SMKR1: variants seen among roughly 807,000 people sequenced by gnomAD.
SMKR1 encodes the protein small lysine rich protein 1.
SMKR1 carries 4 observed loss-of-function variants against 4.0 expected under a neutral mutation model. That is an observed-to-expected ratio of 1.00 (90% CI 0.49 to 2.30). SMKR1 has a LOEUF of 2.30. Ranked by LOEUF, SMKR1 falls within the 30% of genes most tolerant of loss-of-function variation. The pLI, the probability that SMKR1 is intolerant of heterozygous loss-of-function variation, is 0.02. For synonymous variants in SMKR1, 38 were observed against 32.5 expected, an observed-to-expected ratio of 1.17 and a Z score of -0.58; for missense variants, 56 against 81.8, an observed-to-expected ratio of 0.68 and a Z score of 1.22.
chr7:129,502,771 G>C lies in SMKR1; in HGVS notation c.-54G>C. The C allele has an allele frequency of 6.5e-7, 1 of 1,534,968 alleles. No individual in the cohort carries two copies. The highest frequency in any genetic ancestry group is 1.2e-5 in the South Asian group (1 of 84,060). ...GGGCAGCGGCCCCGGTGGATGCTAAGGGCTTCGGGATCGGGAGAGTCCACC... is the reference window on the plus strand; with the variant it reads ...GGGCAGCGGCCCCGGTGGATGCTAACGGCTTCGGGATCGGGAGAGTCCACC... On this transcript the variant is annotated 5_prime_UTR_variant, in exon 1 of 2. Transcript: ENST00000462322.
At chr7:129,504,803 G>A (rs1198442602) in intron 1 of SMKR1, among the ~76,000 whole-genome samples, 1 of 152,108 alleles carries the variant, frequency 6.6e-6, no homozygotes, top group Non-Finnish European at 1.5e-5. Context: ...CACCTGCCTC[G>A]GCCTCCCAGA....
At chr7:129,503,141 GC>G (rs1799428383) in intron 1 of SMKR1, among the ~76,000 whole-genome samples, 1 of 151,788 alleles carries the variant, frequency 6.6e-6, no homozygotes, top group South Asian at 2.1e-4. Flanking sequence ...GCCAGGCCAT[GC>G]CCACAGTGAC....
chr7:129,502,866 C>T (rs1799424968), intron 1 of SMKR1, 39 bp downstream of exon 1: 4 of 1,534,246 alleles, frequency 2.6e-6, no homozygotes, highest in Non-Finnish European at 3.5e-6. Flanking sequence ...GGCCAGGGCG[C>T]GCGCCGTGGA....
chr7:129,511,489 G>A (rs1419264934), intron 1 of SMKR1, among the ~76,000 whole-genome samples: 2 of 152,158 alleles, frequency 1.3e-5, no homozygotes, highest in South Asian at 2.1e-4. Context: ...TGCTGCCATT[G>A]TCAGACCTAA....
chr7:129,507,840 C>T (rs1043957725), intron 1 of SMKR1, among the ~76,000 whole-genome samples: 19 of 152,088 alleles, frequency 1.2e-4, no homozygotes, highest in African/African-American at 4.3e-4. Context: ...TCTATTCAAC[C>T]TTTGAACATG....
chr7:129,510,892 T>G lies in SMKR1; in HGVS notation c.4-1355T>G, dbSNP rs1253205182. On this transcript the variant is annotated intron_variant, in intron 1 of 1. Transcript: ENST00000462322. The stretch of plus-strand genomic sequence containing the variant: ...GGCGTGATCTCGGCTCACTGCAACC[T>G]CTGGCTCCTGGGTTCAGGCGATTCT... Among the ~76,000 whole-genome samples the G allele has an allele frequency of 3.3e-5, 5 of 152,126 alleles. No homozygotes were observed. In the East Asian group the frequency reaches 9.7e-4, roughly 29 times the overall value.
chr7:129,503,409 C>G (rs913546858), intron 1 of SMKR1, among the ~76,000 whole-genome samples: 1 of 152,258 alleles, frequency 6.6e-6, no homozygotes, highest in African/African-American at 2.4e-5. Context: ...GTACTGCACG[C>G]TTGAGCTGGG....
chr7:129,502,804 C>G lies in SMKR1; in HGVS notation c.-21C>G, dbSNP rs1207339201. On this transcript the variant is annotated 5_prime_UTR_variant, in exon 1 of 2. Coordinates refer to ENST00000462322, the MANE Select transcript of SMKR1 (RefSeq NM_001195243.2). ...GGATCGGGAGAGTCCACCACGCCTG[C>G]CTGCTCGGCTGAGAATCGCCATGGT... The G allele has an allele frequency of 1.3e-6, 2 of 1,535,112 alleles. No individual in the cohort carries two copies. The highest frequency in any genetic ancestry group is 2.4e-5 in the East Asian group (1 of 40,884).
In SMKR1 at chr7:129,512,555, A is replaced by T; in HGVS notation, c.*114A>T. 1 of 1,052,026 alleles carries T rather than the reference A, an allele frequency of 9.5e-7. No homozygotes were observed. The highest frequency in any genetic ancestry group is 1.8e-5 in the South Asian group (1 of 56,602). The allele number at this position is 1,052,026 out of a possible 1,614,324, so 65.2% of individuals were successfully genotyped here. A position where few individuals can be genotyped will look rare whatever the true frequency, so the allele number is the denominator to read the frequency against. ...TTACTCCAGACGACTTGAGATGCAA[A>T]TTAAGTGTGCTTTTCTGTGATGGTG... On this transcript the variant is annotated 3_prime_UTR_variant, in exon 2 of 2. Coordinates refer to ENST00000462322, the MANE Select transcript of SMKR1 (RefSeq NM_001195243.2).
intron 1 of SMKR1, among the ~76,000 whole-genome samples, chr7:129,509,279 C>T (rs1799501749): frequency 6.6e-6 from 1 of 152,164 alleles, no homozygotes; most frequent in South Asian, 2.1e-4. Context: ...TGCCATTGCA[C>T]TCCAGCCTGG....
At position 129,512,389 on chromosome 7, in the gene SMKR1, G is replaced by A. The variant is rs547131979; in HGVS notation, c.146G>A (p.Arg49Gln). The change falls in exon 2 of 2, where the codon CGA becomes CAA. Residue 49 changes from arginine (R) to glutamine (Q), a missense_variant. Physicochemically the swap from Arg to Gln is conservative, Grantham distance 43. Transcript: ENST00000462322. Reference protein sequence around the residue: ...AHNVADCLHLRGFHWPGAPKG... With the variant: ...AHNVADCLHLQGFHWPGAPKG... ...AACGTCGCTGACTGCCTGCATCTGC[G>A]AGGCTTCCATTGGCCGGGTGCTCCC... 8.5e-6 allele frequency: 13 copies of A among 1,535,982 alleles called. No homozygotes were observed. Among genetic ancestry groups the A allele is most frequent in the East Asian group, 7.3e-5 (3 of 40,914 alleles).
At chr7:129,509,202 A>T (rs1188784593) in intron 1 of SMKR1, among the ~76,000 whole-genome samples, 1 of 152,186 alleles carries the variant, frequency 6.6e-6, no homozygotes, top group Admixed American at 6.5e-5. Flanking sequence ...AATGCCAGCT[A>T]TTCGGGAGGC....
In SMKR1 at chr7:129,506,463, T is replaced by C. The variant is rs201889380; in HGVS notation, c.3+3636T>C. On this transcript the variant is annotated intron_variant, in intron 1 of 1. Transcript: ENST00000462322. ...TTCAAAAAATAAATAAAAAATAAAATGCACACTTTGATAGGTTTGGCAAAT... is the reference window on the plus strand; with the variant it reads ...TTCAAAAAATAAATAAAAAATAAAACGCACACTTTGATAGGTTTGGCAAAT... Among the ~76,000 whole-genome samples, 75 of 152,106 alleles carry C rather than the reference T, an allele frequency of 4.9e-4. 1 individual carries two copies. The highest frequency in any genetic ancestry group is 3.9e-3 in the East Asian group (20 of 5,188).
At chr7:129,509,570 C>G (rs1480673625) in intron 1 of SMKR1, among the ~76,000 whole-genome samples, 1 of 151,680 alleles carries the variant, frequency 6.6e-6, no homozygotes, top group Non-Finnish European at 1.5e-5. Context: ...TAGACGGAGT[C>G]TCACTCTGTC....
intron 1 of SMKR1, 26 bp downstream of exon 1, chr7:129,502,853 C>G (rs691332): frequency 0.89 from 1,359,209 of 1,534,434 alleles, 604,507 homozygotes; most frequent in East Asian, 0.97. Flanking sequence ...CTAAAGTACC[C>G]GGGGCCAGGG....
chr7:129,503,253 C>T (rs192855269), intron 1 of SMKR1, among the ~76,000 whole-genome samples: 3 of 151,912 alleles, frequency 2.0e-5, no homozygotes, highest in Non-Finnish European at 4.4e-5. Flanking sequence ...GGTACCACCA[C>T]CTTGCTGTCA....
intron 1 of SMKR1, among the ~76,000 whole-genome samples, chr7:129,509,547 A>G (rs1799504994): frequency 6.7e-6 from 1 of 150,258 alleles, no homozygotes; most frequent in Non-Finnish European, 1.5e-5. Flanking sequence ...GTATTTCAGC[A>G]GTTTTTTTTT....
intron 1 of SMKR1, among the ~76,000 whole-genome samples, chr7:129,511,283 A>G (rs538423952): frequency 2.0e-4 from 30 of 152,340 alleles, no homozygotes; most frequent in African/African-American, 7.0e-4. Context: ...TAAAATCATA[A>G]ACTAAATCCT....
chr7:129,504,550 GTTTTTGTTT>G (rs992633411), intron 1 of SMKR1, among the ~76,000 whole-genome samples: 3 of 43,244 alleles, frequency 6.9e-5, no homozygotes, highest in African/African-American at 1.7e-4. Context: ...TAATTTCTTT[GTTTTTGTTT>G]TTTTTTTTTT....
Sources: allele counts gnomAD v4.1 joint callset (sites outside exome capture counted in the v4.1 genomes callset), GRCh38; gene constraint gnomAD v4.1.1; transcripts MANE v1.5; gene names NCBI Gene and HGNC (gene_info 2026-07-23, HGNC 2026-07-21).